Variants in LTN1 observed in about 807,000 individuals in gnomAD.
The protein encoded by LTN1 is E3 ubiquitin-protein ligase listerin.
A neutral mutation model predicts 201.2 loss-of-function variants in LTN1; 88 were observed. That is an observed-to-expected ratio of 0.44 (90% CI 0.37 to 0.52). The LOEUF is 0.52. Ranked by LOEUF, LTN1 falls within the 20% of genes least tolerant of loss-of-function variation. The pLI is 0.00. For missense variants in LTN1, 1,752 were observed against 2,038.7 expected (o/e 0.86, Z 2.71); for synonymous variants, 645 against 713.5 (o/e 0.90, Z 1.53).
chr21:28,974,705 G>C (rs946888480), intron 6 of LTN1, among the ~76,000 whole-genome samples: 1 of 152,116 alleles, frequency 6.6e-6, no homozygotes, highest in South Asian at 2.1e-4. Flanking sequence ...AGAAAGGAGA[G>C]GGCCACAGAA....
chr21:28,934,084 T>G (rs2146255127), intron 27 of LTN1, among the ~76,000 whole-genome samples: 1 of 152,300 alleles, frequency 6.6e-6, no homozygotes, highest in South Asian at 2.1e-4. Flanking sequence ...CTCAGCCAGA[T>G]GAATCTTTCC....
chr21:28,964,371 A>G (rs745373497), intron 11 of LTN1, among the ~76,000 whole-genome samples: 43 of 152,234 alleles, frequency 2.8e-4, no homozygotes, highest in Non-Finnish European at 5.0e-4. Context: ...CATCAGCAAA[A>G]TGATTACAAC....
intron 6 of LTN1, among the ~76,000 whole-genome samples, chr21:28,974,756 A>C (rs772096150): frequency 3.9e-5 from 6 of 152,216 alleles, no homozygotes; most frequent in Admixed American, 6.5e-5. Context: ...CTAAATCTAT[A>C]GCTTATCTCT....
At chr21:28,970,517 T>C (rs2084564869) in intron 8 of LTN1, 35 bp downstream of exon 8, 3 of 1,409,828 alleles carry the variant, frequency 2.1e-6, no homozygotes, top group Non-Finnish European at 3.0e-6. Context: ...AGAAAATCTG[T>C]TTTGTTTTAA....
intron 6 of LTN1, among the ~76,000 whole-genome samples, chr21:28,977,279 C>G (rs1374614231): frequency 6.7e-6 from 1 of 150,228 alleles, no homozygotes; most frequent in Non-Finnish European, 1.5e-5. Context: ...GAGGCTGAGG[C>G]AGGAGAATCG....
chr21:28,952,408 G>A, intron 17 of LTN1, 144 bp from the exon 18 acceptor site: 1 of 506,060 alleles, frequency 2.0e-6, no homozygotes, highest in Non-Finnish European at 3.5e-6. Flanking sequence ...TTGCACCCAA[G>A]CAACTGCCAG....
At chr21:28,961,680 T>C (rs530952958) in intron 11 of LTN1, 3 of 152,458 alleles carry the variant, frequency 2.0e-5, no homozygotes, top group Non-Finnish European at 2.9e-5. Context: ...AATCTTTTAA[T>C]CAGCGTGGGC....
At position 28,982,377 on chromosome 21, in the gene LTN1, G is replaced by C. The variant is rs1048265879; in HGVS notation, c.577-9C>G. On this transcript the variant is annotated splice_polypyrimidine_tract_variant and intron_variant, in intron 4 of 29. Transcript: ENST00000361371. ...AGATGATCCTGCAGCACCTACAAAGGGGGGAAATACCAAAGCCTTTGGTTT... is the reference window on the plus strand; with the variant it reads ...AGATGATCCTGCAGCACCTACAAAGCGGGGAAATACCAAAGCCTTTGGTTT... 7.4e-6 allele frequency: 12 copies of C among 1,610,924 alleles called. No homozygotes were observed. Among genetic ancestry groups the C allele is most frequent in the South Asian group, 2.2e-5 (2 of 91,000 alleles).
intron 1 of LTN1, among the ~76,000 whole-genome samples, chr21:28,989,087 G>C (rs899615341): frequency 1.3e-5 from 2 of 151,936 alleles, no homozygotes; most frequent in African/African-American, 4.8e-5. Flanking sequence ...CTCAATATTG[G>C]TACATGAATA....
chr21:28,975,769 G>A (rs1386768381), intron 6 of LTN1, among the ~76,000 whole-genome samples: 1 of 152,136 alleles, frequency 6.6e-6, no homozygotes, highest in Non-Finnish European at 1.5e-5. Flanking sequence ...ACACATTGCT[G>A]GTAGGAGTAC....
At chr21:28,956,625 G>T in intron 16 of LTN1, 137 bp downstream of exon 16, 1 of 505,624 alleles carries the variant, frequency 2.0e-6, no homozygotes, top group Non-Finnish European at 3.4e-6. Context: ...GTAACTTCAA[G>T]GTTCTCATCA....
At position 28,928,232 on chromosome 21, in the gene LTN1, T is replaced by G. The variant is rs935855173; in HGVS notation, c.*2216A>C. On this transcript the variant is annotated 3_prime_UTR_variant, in exon 30 of 30. Transcript: ENST00000361371. ...TGTGAAGGGTACAAGGGCATTTATA[T>G]TATTATTTTTCTGCATATTTGAAAT... The G allele has an allele frequency of 6.6e-6, 1 of 152,556 alleles. No homozygotes were observed. Among genetic ancestry groups the G allele is most frequent in the Admixed American group, 6.5e-5 (1 of 15,272 alleles). 9.5% of individuals were successfully genotyped at this position (152,556 alleles called of 1,614,324 possible). A position where few individuals can be genotyped will look rare whatever the true frequency, so the allele number is the denominator to read the frequency against.
At position 28,986,411 on chromosome 21, in the gene LTN1, T is replaced by A; in HGVS notation, c.247-174A>T. ...CACAGGCTACTACGGTAGAAACTCT[T>A]CAGTTGTTTTTTTAAAAATAAAACA... On this transcript the variant is annotated intron_variant, in intron 2 of 29. Transcript: ENST00000361371. This position sits in a 1 kb window ranked among gnomAD's most constrained non-coding sequence, Gnocchi z 4.1. The A allele has an allele frequency of 1.5e-6, 1 of 685,032 alleles. No homozygotes were observed. Among genetic ancestry groups the A allele is most frequent in the South Asian group, 1.6e-5 (1 of 62,878 alleles). The allele number at this position is 685,032 out of a possible 1,614,324, so 42.4% of individuals were successfully genotyped here. A position where few individuals can be genotyped will look rare whatever the true frequency, so the allele number is the denominator to read the frequency against.
chr21:28,960,107 C>T (rs190914975), intron 12 of LTN1, among the ~76,000 whole-genome samples: 23 of 152,272 alleles, frequency 1.5e-4, no homozygotes, highest in Admixed American at 1.3e-3. Flanking sequence ...CGGCTCACGC[C>T]TGTAATCCCA....
At chr21:28,973,609 T>G (rs1039073099) in intron 6 of LTN1, among the ~76,000 whole-genome samples, 4 of 152,074 alleles carry the variant, frequency 2.6e-5, no homozygotes. Context: ...ACTTTGATCA[T>G]AAAACATCAG....
chr21:28,984,402 T>C (rs932627518), intron 4 of LTN1, among the ~76,000 whole-genome samples: 1 of 152,096 alleles, frequency 6.6e-6, no homozygotes, highest in Non-Finnish European at 1.5e-5. Flanking sequence ...TTTTTAGATA[T>C]ATTACTTGTT....
intron 25 of LTN1, among the ~76,000 whole-genome samples, chr21:28,938,175 C>T (rs1601164982): frequency 6.6e-6 from 1 of 152,034 alleles, no homozygotes; most frequent in East Asian, 1.9e-4. Flanking sequence ...ACTGGGACAA[C>T]TGAAAGTATC....
chr21:28,962,869 T>C (rs1357535326), intron 11 of LTN1, among the ~76,000 whole-genome samples: 2 of 152,188 alleles, frequency 1.3e-5, no homozygotes, highest in African/African-American at 2.4e-5. Context: ...GAAAGTGACA[T>C]AGACTTACTG....
Position 28,986,311 on chromosome 21 carries a change from C to T in LTN1, c.247-74G>A, listed in dbSNP as rs2084698237. ...GCTATAGATTATTCTGTTCTGGAAGCTTTGTCTATTTTATGTAATAGGAGA... is the reference window on the plus strand; with the variant it reads ...GCTATAGATTATTCTGTTCTGGAAGTTTTGTCTATTTTATGTAATAGGAGA... On this transcript the variant is annotated intron_variant, in intron 2 of 29. Coordinates refer to ENST00000361371, the MANE Select transcript of LTN1 (RefSeq NM_015565.3). This position sits in a 1 kb window ranked among gnomAD's most constrained non-coding sequence, Gnocchi z 4.1. 2 of 919,712 alleles carry T rather than the reference C, an allele frequency of 2.2e-6. No individual in the cohort carries two copies. Among genetic ancestry groups the T allele is most frequent in the African/African-American group, 3.3e-5 (2 of 60,138 alleles). The allele number at this position is 919,712 out of a possible 1,614,324, so 57.0% of individuals were successfully genotyped here.
Sources: allele counts gnomAD v4.1 joint callset (sites outside exome capture counted in the v4.1 genomes callset), GRCh38; gene constraint gnomAD v4.1.1; non-coding constraint Gnocchi (gnomAD v3.1); transcripts MANE v1.5; gene names NCBI Gene and HGNC (gene_info 2026-07-23, HGNC 2026-07-21).